Variants in FBXL13 observed in about 807,000 individuals in gnomAD.
FBXL13 encodes F-box and leucine rich repeat protein 13, also known as F-box and leucine-rich repeat protein 13.
In FBXL13, 67 loss-of-function variants were observed where a neutral mutation model predicts 83.6. That is an observed-to-expected ratio of 0.80 (90% CI 0.66 to 0.98). FBXL13 has a LOEUF of 0.98. Ranked by LOEUF, FBXL13 falls within the 50% of genes least tolerant of loss-of-function variation. The probability of loss-of-function intolerance (pLI) is 0.00; values close to 1 mark genes in which losing one functional copy is unlikely to be tolerated. For synonymous variants in FBXL13, 272 were observed against 299.5 expected, an observed-to-expected ratio of 0.91 and a Z score of 0.95; for missense variants, 822 against 866.5, an observed-to-expected ratio of 0.95 and a Z score of 0.64.
At chr7:102,905,697 C>A (rs756138508) in intron 11 of FBXL13, among the ~76,000 whole-genome samples, 4 of 151,960 alleles carry the variant, frequency 2.6e-5, no homozygotes, top group Non-Finnish European at 5.9e-5. Flanking sequence ...TTTCTTCTTT[C>A]TTTCCTTCCT....
Position 102,857,990 on chromosome 7 carries a change from A to G in FBXL13, c.1636-3130T>C, listed in dbSNP as rs1412315455. On this transcript the variant is annotated intron_variant, in intron 16 of 19. Coordinates refer to ENST00000313221, the Ensembl canonical transcript of FBXL13. ...AAGGAACTCAGTATATCAAAGGGAT[A>G]CCTACACTCCCATGTTTACTACAGC... Among the ~76,000 whole-genome samples, 4 of 152,212 alleles carry G rather than the reference A, an allele frequency of 2.6e-5. No individual in the cohort carries two copies. In the East Asian group the frequency reaches 7.7e-4, roughly 29 times the overall value.
downstream of FBXL13, among the ~76,000 whole-genome samples, chr7:102,812,106 G>C (rs1033539470): frequency 2.6e-5 from 4 of 152,128 alleles, no homozygotes; most frequent in African/African-American, 9.7e-5. Context: ...AAGGTTAAAA[G>C]GCTGATCTGA....
intron 6 of FBXL13, among the ~76,000 whole-genome samples, chr7:103,015,967 T>A (rs1792259010): frequency 6.6e-6 from 1 of 152,146 alleles, no homozygotes; most frequent in South Asian, 2.1e-4. Context: ...GTGAAAGACC[T>A]CTACAACAAG....
intron 2 of FBXL13, among the ~76,000 whole-genome samples, chr7:103,038,192 TACTC>T (rs563436438): frequency 2.8e-4 from 43 of 152,334 alleles, no homozygotes; most frequent in African/African-American, 1.0e-3. Flanking sequence ...CATGGAGCCT[TACTC>T]ACTGCTAGCG....
chr7:102,905,235 T>C (rs759814429), intron 11 of FBXL13, among the ~76,000 whole-genome samples: 6 of 152,184 alleles, frequency 3.9e-5, no homozygotes, highest in African/African-American at 1.2e-4. Flanking sequence ...TACTATTGTA[T>C]TGGGGTCCAT....
intron 2 of FBXL13, among the ~76,000 whole-genome samples, chr7:103,042,620 A>T: frequency 6.6e-6 from 1 of 152,214 alleles, no homozygotes; most frequent in East Asian, 1.9e-4. Context: ...ACCAAAACAG[A>T]TATATAGACC....
At chr7:102,855,764 A>G (rs578073089) in intron 16 of FBXL13, among the ~76,000 whole-genome samples, 1 of 151,310 alleles carries the variant, frequency 6.6e-6, no homozygotes, top group East Asian at 2.0e-4. Flanking sequence ...ATTGGTTTAT[A>G]TTTTATCGAT....
chr7:103,027,642 T>A, intron 4 of FBXL13, 84 bp from the exon 6 acceptor site: 1 of 808,088 alleles, frequency 1.2e-6, no homozygotes, highest in Non-Finnish European at 1.9e-6. Context: ...TAGTCTATCA[T>A]GTTTATGAGA....
intron 6 of FBXL13, chr7:102,988,868 T>C (rs1284037777): frequency 6.6e-6 from 1 of 152,224 alleles, no homozygotes; most frequent in African/African-American, 2.4e-5. Context: ...CTTGTGTAGT[T>C]TTCTCTCACA....
chr7:102,910,494 G>A (rs769178014), intron 11 of FBXL13, among the ~76,000 whole-genome samples: 1 of 151,508 alleles, frequency 6.6e-6, no homozygotes, highest in Non-Finnish European at 1.5e-5. Flanking sequence ...AGCGTGGCTC[G>A]GGCTCCAATC....
chr7:103,058,527 A>C (rs953644683), intron 1 of FBXL13, among the ~76,000 whole-genome samples: 5 of 152,216 alleles, frequency 3.3e-5, no homozygotes, highest in African/African-American at 1.2e-4. Flanking sequence ...TGAAAAGCCC[A>C]TCTGCTCTCT....
chr7:102,963,032 G>T (rs1825519227), intron 8 of FBXL13, among the ~76,000 whole-genome samples: 1 of 143,988 alleles, frequency 6.9e-6, no homozygotes, highest in Non-Finnish European at 1.5e-5. Flanking sequence ...AATAGACCAA[G>T]AACCAGCCGG....
chr7:102,848,712 G>A (rs529475129), intron 17 of FBXL13, among the ~76,000 whole-genome samples: 2 of 151,908 alleles, frequency 1.3e-5, no homozygotes, highest in Non-Finnish European at 2.9e-5. Flanking sequence ...AGCAACCAGA[G>A]GCCAGGCACG....
exon 6 of FBXL13, chr7:103,025,134 A>G (rs1207746487): frequency 2.0e-5 from 33 of 1,612,812 alleles, no homozygotes; most frequent in Non-Finnish European, 2.8e-5. Flanking sequence ...AAGACTTCAG[A>G]AGAACTTCGT....
chr7:103,009,096 A>G (rs918159915), intron 6 of FBXL13, among the ~76,000 whole-genome samples: 1 of 152,162 alleles, frequency 6.6e-6, no homozygotes, highest in Non-Finnish European at 1.5e-5. Context: ...AGTCAAAGGC[A>G]TAGGAGTTCA....
At chr7:103,060,047 T>C (rs1348274448) in intron 1 of FBXL13, among the ~76,000 whole-genome samples, 11 of 103,156 alleles carry the variant, frequency 1.1e-4, no homozygotes, top group African/African-American at 2.1e-4. Context: ...TATATATATA[T>C]ATATATATAT....
intron 18 of FBXL13, among the ~76,000 whole-genome samples, chr7:102,825,609 C>T (rs530635591): frequency 3.9e-5 from 6 of 152,216 alleles, no homozygotes; most frequent in South Asian, 4.2e-4. Context: ...CTCTTGTTTA[C>T]GAATTTTCAC....
At chr7:103,030,528 C>T (rs545205749) in intron 2 of FBXL13, among the ~76,000 whole-genome samples, 1 of 152,260 alleles carries the variant, frequency 6.6e-6, no homozygotes, top group East Asian at 1.9e-4. Flanking sequence ...ATTTCACTAA[C>T]ATTACAATTT....
rs979125012 is a variant in FBXL13 at position 102,974,624 on chromosome 7, C to T, written c.496-6507G>A. 2.0e-5 allele frequency among the ~76,000 whole-genome samples: 3 copies of T among 152,188 alleles called. No homozygotes were observed. The East Asian group carries it at 5.8e-4, about 29-fold the overall frequency. ...GCCCTGTTTGCACTCAGATCACAAC[C>T]CGACCTCTGTAATTCTTGCTCACCT... On this transcript the variant is annotated intron_variant, in intron 6 of 19. Transcript: ENST00000313221.
Sources: gnomAD v4.1 joint callset for allele counts (sites outside exome capture counted in the v4.1 genomes callset) on GRCh38, gnomAD v4.1.1 for gene constraint, MANE v1.5 for transcripts, NCBI Gene and HGNC (gene_info 2026-07-23, HGNC 2026-07-21) for gene names.